The following LRP2 variants were observed in gnomAD, a reference collection of about 807,000 sequenced individuals.
LRP2 encodes the protein low-density lipoprotein receptor-related protein 2.
In LRP2, 172 loss-of-function variants were observed where a neutral mutation model predicts 531.0. That is an observed-to-expected ratio of 0.32 (90% confidence interval 0.29 to 0.37). The LOEUF is 0.37. LRP2 is among the 10% of genes least tolerant of loss of function. LRP2 has a pLI of 1.00. For missense variants in LRP2, 5,167 were observed against 5,868.3 expected (o/e 0.88, Z 3.90); for synonymous variants, 1,992 against 2,027.6 (o/e 0.98, Z 0.47).
intron 1 of LRP2, among the ~76,000 whole-genome samples, chr2:169,326,092 G>A (rs1186940967): frequency 1.4e-5 from 2 of 146,732 alleles, no homozygotes; most frequent in African/African-American, 2.6e-5. Context: ...AGGATCAGTG[G>A]AAGAAAAAAG....
At chr2:169,311,242 G>A (rs1399984568) in intron 3 of LRP2, among the ~76,000 whole-genome samples, 1 of 152,094 alleles carries the variant, frequency 6.6e-6, no homozygotes, top group Non-Finnish European at 1.5e-5. Context: ...CCTTCTGCTA[G>A]CTTTTGAATG....
intron 1 of LRP2, among the ~76,000 whole-genome samples, chr2:169,352,191 C>T (rs10199321): frequency 0.16 from 24,419 of 152,124 alleles, 2,225 homozygotes; most frequent in East Asian, 0.29. Context: ...ATGAATCCAA[C>T]GTTCTTAGGA....
chr2:169,327,565 C>T (rs1327397465), intron 1 of LRP2, among the ~76,000 whole-genome samples: 16 of 129,112 alleles, frequency 1.2e-4, no homozygotes, highest in African/African-American at 4.5e-4. Context: ...CCAGCCGCCC[C>T]ATCCGGGAGG....
intron 2 of LRP2, among the ~76,000 whole-genome samples, chr2:169,320,153 C>G (rs1022308711): frequency 6.6e-6 from 1 of 152,182 alleles, no homozygotes; most frequent in Non-Finnish European, 1.5e-5. Flanking sequence ...TCTCAATTTA[C>G]TAATCTGAAA....
At chr2:169,160,819 CT>C (rs1461314856) in intron 63 of LRP2, among the ~76,000 whole-genome samples, 3 of 152,156 alleles carry the variant, frequency 2.0e-5, no homozygotes, top group Non-Finnish European at 4.4e-5. Context: ...CATGTTCAGG[CT>C]TTTAAAATAT....
At chr2:169,204,342 T>C in intron 41 of LRP2, 71 bp from the exon 42 acceptor site, 1 of 1,359,358 alleles carries the variant, frequency 7.4e-7, no homozygotes, top group East Asian at 2.3e-5. Context: ...GGCAGCCCAA[T>C]GCATGCGCCT....
In LRP2 at chr2:169,170,707, A is replaced by G. The variant is rs756023897; in HGVS notation, c.11264-40T>C. 3 of 1,357,048 alleles carry G rather than the reference A, an allele frequency of 2.2e-6. No homozygotes were observed. The South Asian group carries it at 3.5e-5, about 16-fold the overall frequency. The allele number at this position is 1,357,048 out of a possible 1,614,324, so 84.1% of individuals were successfully genotyped here. On this transcript the variant is annotated intron_variant, in intron 58 of 78. Transcript: ENST00000649046. ...CACCTGGCCATGAGTGTGCACCAGG[A>G]ATCACATACAGGAGACATCTTGTGA...
At chr2:169,287,075 G>A (rs1370086573) in intron 9 of LRP2, among the ~76,000 whole-genome samples, 1 of 152,152 alleles carries the variant, frequency 6.6e-6, no homozygotes, top group Admixed American at 6.5e-5. Context: ...GCCCCTTTGC[G>A]CAGGGCTGCC....
chr2:169,306,611 G>A (rs1341814734), intron 4 of LRP2, among the ~76,000 whole-genome samples: 1 of 152,102 alleles, frequency 6.6e-6, no homozygotes, highest in African/African-American at 2.4e-5. Context: ...TGGACTATAG[G>A]ACTGACACAG....
At chr2:169,240,782 A>T in intron 25 of LRP2, 1 of 632,248 alleles carries the variant, frequency 1.6e-6, no homozygotes, top group Non-Finnish European at 2.8e-6. Context: ...AAAAACACAT[A>T]ACCAAGTACA....
chr2:169,358,912 A>AAG (rs1553517980), intron 1 of LRP2, among the ~76,000 whole-genome samples: 1 of 151,078 alleles, frequency 6.6e-6, no homozygotes, highest in African/African-American at 2.4e-5. Context: ...AAAAAAAAAA[A>AAG]AAAAGAAAAA....
chr2:169,153,241 T>G (rs1037979377), intron 66 of LRP2, among the ~76,000 whole-genome samples: 2 of 152,244 alleles, frequency 1.3e-5, no homozygotes, highest in Admixed American at 1.3e-4. Flanking sequence ...ACAAAGTGCT[T>G]ATTTACTCTT....
At chr2:169,147,072 G>C (rs1391214060) in intron 68 of LRP2, 113 bp from the exon 69 acceptor site, 1 of 829,752 alleles carries the variant, frequency 1.2e-6, no homozygotes, top group African/African-American at 1.7e-5. Context: ...AGGGACCTGG[G>C]TGCTCAGTGA....
At chr2:169,227,088 T>C (rs1055528541) in intron 31 of LRP2, among the ~76,000 whole-genome samples, 4 of 152,234 alleles carry the variant, frequency 2.6e-5, no homozygotes, top group African/African-American at 7.2e-5. Flanking sequence ...TAGTATTTAT[T>C]GAGACTTTAA....
intron 1 of LRP2, among the ~76,000 whole-genome samples, chr2:169,323,876 A>G (rs1240342928): frequency 1.3e-5 from 2 of 151,736 alleles, no homozygotes; most frequent in Non-Finnish European, 2.9e-5. Context: ...AAATCCCTCT[A>G]GTAAAAACCA....
chr2:169,285,516 C>T (rs1239867933), intron 9 of LRP2, among the ~76,000 whole-genome samples: 1 of 152,158 alleles, frequency 6.6e-6, no homozygotes, highest in African/African-American at 2.4e-5. Flanking sequence ...ATCCCCCTCT[C>T]ACTCCAATAC....
chr2:169,185,933 G>GTT lies in LRP2; in HGVS notation c.9414_9415insAA (p.Pro3139AsnfsTer33). ...TTGTCAGACATGAGCTTGTAACCAG[G>GTT]ACGACAGGAACAATAGAAACTGGTT... On this transcript the variant is annotated frameshift_variant, in exon 50 of 79. Coordinates refer to ENST00000649046, the MANE Select transcript of LRP2 (RefSeq NM_004525.3). LOFTEE classifies it high-confidence loss of function. 6.2e-7 allele frequency: 1 copy of GTT among 1,613,874 alleles called. No individual in the cohort carries two copies. Among genetic ancestry groups the GTT allele is most frequent in the Non-Finnish European group, 8.5e-7 (1 of 1,179,948 alleles).
chr2:169,295,811 T>C (rs1684121724), intron 4 of LRP2, among the ~76,000 whole-genome samples: 1 of 138,634 alleles, frequency 7.2e-6, no homozygotes, highest in Non-Finnish European at 1.6e-5. Flanking sequence ...CTGCCTTTTA[T>C]GGCCTTTGAA....
chr2:169,274,180 A>G (rs559550229), intron 14 of LRP2, among the ~76,000 whole-genome samples: 1 of 152,294 alleles, frequency 6.6e-6, no homozygotes, highest in South Asian at 2.1e-4. Flanking sequence ...CTACCAACGT[A>G]GTGTAGTTTA....
Sources: allele counts gnomAD v4.1 joint callset (sites outside exome capture counted in the v4.1 genomes callset), GRCh38; gene constraint gnomAD v4.1.1; transcripts MANE v1.5; gene names NCBI Gene and HGNC (gene_info 2026-07-23, HGNC 2026-07-21).